The following PUS1 variants were observed in gnomAD, a reference collection of about 807,000 sequenced individuals.
PUS1 encodes the protein pseudouridylate synthase 1 homolog.
A neutral mutation model predicts 38.5 loss-of-function variants in PUS1; 25 were observed. That is an observed-to-expected ratio of 0.65 (90% CI 0.47 to 0.91). The LOEUF is 0.91. Ranked by LOEUF, PUS1 falls within the 40% of genes least tolerant of loss-of-function variation. The pLI, the probability that PUS1 is intolerant of heterozygous loss-of-function variation, is 0.00. For missense variants in PUS1, 597 were observed against 612.3 expected (o/e 0.97, Z 0.26); for synonymous variants, 282 against 260.4 (o/e 1.08, Z -0.80).
chr12:131,943,676 T>C lies in PUS1; in HGVS notation c.*90T>C, dbSNP rs1159947712. The stretch of plus-strand genomic sequence containing the variant: ...CCCTGTGGGCAGCAAGAAGCTGGGA[T>C]CGCTGCAGCCATGTTTTCCCGGCCA... On this transcript the variant is annotated 3_prime_UTR_variant, in exon 6 of 6. Coordinates refer to ENST00000376649, the MANE Select transcript of PUS1 (RefSeq NM_025215.6). 2 of 1,083,404 alleles carry C rather than the reference T, an allele frequency of 1.8e-6. No individual in the cohort carries two copies. The highest frequency in any genetic ancestry group is 3.1e-5 in the African/African-American group (2 of 64,680). The allele number at this position is 1,083,404 out of a possible 1,614,324, so 67.1% of individuals were successfully genotyped here. A position where few individuals can be genotyped will look rare whatever the true frequency, so the allele number is the denominator to read the frequency against.
At chr12:131,932,855 C>T (rs1436497131) in intron 3 of PUS1, 1 of 452,574 alleles carries the variant, frequency 2.2e-6, no homozygotes, top group Admixed American at 2.4e-5. Flanking sequence ...AGTCTGTTGT[C>T]ACACTGTTAT....
At chr12:131,933,097 TC>T (rs1890679991) in intron 3 of PUS1, among the ~76,000 whole-genome samples, 1 of 151,902 alleles carries the variant, frequency 6.6e-6, no homozygotes, top group Non-Finnish European at 1.5e-5. Context: ...CACCAGGTCT[TC>T]CCTAGACACT....
intron 3 of PUS1, among the ~76,000 whole-genome samples, chr12:131,933,585 G>T (rs750646113): frequency 6.6e-6 from 1 of 152,208 alleles, no homozygotes; most frequent in Non-Finnish European, 1.5e-5. Context: ...TGGTTTTCAC[G>T]TCCACCCTGG....
intron 3 of PUS1, among the ~76,000 whole-genome samples, chr12:131,936,558 C>T (rs925531630): frequency 4.8e-5 from 7 of 144,640 alleles, no homozygotes; most frequent in African/African-American, 1.7e-4. Context: ...AGTGAAACTC[C>T]GTCTCAAAAA....
At chr12:131,939,058 A>G (rs1478389424) in intron 3 of PUS1, 115 bp from the exon 4 acceptor site, 2 of 761,536 alleles carry the variant, frequency 2.6e-6, no homozygotes, top group Non-Finnish European at 4.6e-6. Context: ...TGCATTTTTA[A>G]CAGCTGAATT....
chr12:131,939,337 G>T, intron 4 of PUS1, 62 bp downstream of exon 4: 2 of 1,027,992 alleles, frequency 1.9e-6, no homozygotes, highest in East Asian at 2.6e-5. Flanking sequence ...GAGACACGAG[G>T]CTATGCATGC....
At chr12:131,942,015 A>T in intron 5 of PUS1, 32 bp downstream of exon 5, 1 of 1,566,116 alleles carries the variant, frequency 6.4e-7, no homozygotes, top group Non-Finnish European at 8.7e-7. Flanking sequence ...TGCTCAGCAG[A>T]ACACAGGCCC....
chr12:131,942,807 A>C (rs1242305184), intron 5 of PUS1, among the ~76,000 whole-genome samples: 1 of 152,194 alleles, frequency 6.6e-6, no homozygotes, highest in East Asian at 1.9e-4. Context: ...CTGTGAAAAG[A>C]GAGTCCTTCC....
At position 131,929,389 on chromosome 12, in the gene PUS1, G is replaced by T. The variant is rs1002478802; in HGVS notation, c.-334G>T. 18 of 322,040 alleles carry T rather than the reference G, an allele frequency of 5.6e-5. No homozygotes were observed. The highest frequency in any genetic ancestry group is 8.0e-5 in the Non-Finnish European group (14 of 176,084). 19.9% of individuals were successfully genotyped at this position (322,040 alleles called of 1,614,324 possible). A position where few individuals can be genotyped will look rare whatever the true frequency, so the allele number is the denominator to read the frequency against. On this transcript the variant is annotated 5_prime_UTR_variant, in exon 1 of 6. Transcript: ENST00000376649. ...ACCGGGCGGGGCGGGAGGTGAAGAG[G>T]CTGGGGAAGTCAGAGGTTAACCTGG...
At position 131,941,221 on chromosome 12, in the gene PUS1, G is replaced by A; in HGVS notation, c.545-71G>A. 1 of 1,366,970 alleles carries A rather than the reference G, an allele frequency of 7.3e-7. No individual in the cohort carries two copies. Among genetic ancestry groups the A allele is most frequent in the South Asian group, 1.2e-5 (1 of 84,154 alleles). The allele number at this position is 1,366,970 out of a possible 1,614,324, so 84.7% of individuals were successfully genotyped here. A position where few individuals can be genotyped will look rare whatever the true frequency, so the allele number is the denominator to read the frequency against. On this transcript the variant is annotated intron_variant, in intron 4 of 5. Coordinates refer to ENST00000376649, the MANE Select transcript of PUS1 (RefSeq NM_025215.6). The surrounding 1 kb of genome is among the most constrained non-coding windows in gnomAD (Gnocchi z 4.4). ...AAGGAGACGCTGGGGCTCACGCCGT[G>A]CTCAGGCTGCTCCCTGGTCATCCAG...
At chr12:131,934,072 T>C (rs1890722348) in intron 3 of PUS1, among the ~76,000 whole-genome samples, 2 of 152,236 alleles carry the variant, frequency 1.3e-5, no homozygotes, top group Admixed American at 6.5e-5. Flanking sequence ...ATTTCTTCTA[T>C]GCACTTATCA....
intron 1 of PUS1, 32 bp from the exon 2 acceptor site, chr12:131,929,875 C>T: frequency 6.9e-7 from 1 of 1,445,606 alleles, no homozygotes; most frequent in Non-Finnish European, 9.1e-7. Context: ...CGGTGCCGAG[C>T]GGGCCCCCGC....
At chr12:131,943,385 G>C (rs1399512078) in intron 5 of PUS1, among the ~76,000 whole-genome samples, 154 bp from the exon 6 acceptor site, 1 of 152,270 alleles carries the variant, frequency 6.6e-6, no homozygotes, top group East Asian at 1.9e-4. Context: ...ACCTGGTTAA[G>C]AGAATGACCG....
intron 2 of PUS1, among the ~76,000 whole-genome samples, chr12:131,930,368 G>C (rs541429516): frequency 6.6e-6 from 1 of 152,236 alleles, no homozygotes; most frequent in African/African-American, 2.4e-5. Flanking sequence ...CTGGGGCGGG[G>C]TTCACTTGCT....
Position 131,929,683 on chromosome 12 carries a change from C to A in PUS1, c.-40C>A, listed in dbSNP as rs1176913801. The A allele has an allele frequency of 3.3e-6, 4 of 1,211,610 alleles. No individual in the cohort carries two copies. The highest frequency in any genetic ancestry group is 4.3e-6 in the Non-Finnish European group (4 of 931,542). 75.1% of individuals were successfully genotyped at this position (1,211,610 alleles called of 1,614,324 possible). ...AGCTGGGGCACTGGGGGTCAGGGGT[C>A]GGGGATCAGGGCGGGGTCGGGTGCA... On this transcript the variant is annotated 5_prime_UTR_variant, in exon 1 of 6. Transcript: ENST00000376649.
chr12:131,941,665 G>T lies in PUS1; in HGVS notation c.918G>T (p.Lys306Asn), dbSNP rs373663411. ...KMVGLVVAIV[K>N]GYAPESVLER... ...TCGGCCTGGTGGTGGCCATTGTGAA[G>T]GGTTATGCCCCTGAGAGCGTGCTGG... is the stretch of plus-strand genomic sequence containing the variant. The change falls in exon 5 of 6, where the codon AAG becomes AAT. Residue 306 changes from lysine (K) to asparagine (N), a missense_variant. Lys to Asn is a moderately conservative substitution (Grantham distance 94). Transcript: ENST00000376649. The surrounding 1 kb of genome is among the most constrained non-coding windows in gnomAD (Gnocchi z 4.4). 1.9e-6 allele frequency: 3 copies of T among 1,614,224 alleles called. No individual in the cohort carries two copies. Among genetic ancestry groups the T allele is most frequent in the Non-Finnish European group, 2.5e-6 (3 of 1,180,048 alleles).
rs1593288984 is a variant in PUS1 at position 131,932,452 on chromosome 12, G to T, written c.441+140G>T. The T allele has an allele frequency of 3.9e-6, 4 of 1,013,276 alleles. No individual in the cohort carries two copies. The East Asian group carries it at 1.0e-4, about 26-fold the overall frequency. The allele number at this position is 1,013,276 out of a possible 1,614,324, so 62.8% of individuals were successfully genotyped here. On this transcript the variant is annotated intron_variant, in intron 3 of 5. Transcript: ENST00000376649. ...TCAAACTAGCCTACGCCTTATGTAG[G>T]TGAGACGTCCAGGAGCCTGGTCGGC...
chr12:131,938,152 C>T lies in PUS1; in HGVS notation c.442-1021C>T, dbSNP rs576052142. Among the ~76,000 whole-genome samples, 11 of 152,178 alleles carry T rather than the reference C, an allele frequency of 7.2e-5. No homozygotes were observed. In the East Asian group the frequency reaches 1.7e-3, roughly 24 times the overall value. On this transcript the variant is annotated intron_variant, in intron 3 of 5. Transcript: ENST00000376649. Reference sequence around the variant, plus strand: ...CTCTTGAGCTTCCTTTAATCGAAAACGATCTCCTTGGCCGGGCATCGTTGC... The same window carrying T: ...CTCTTGAGCTTCCTTTAATCGAAAATGATCTCCTTGGCCGGGCATCGTTGC...
chr12:131,945,081 A>G lies in PUS1; in HGVS notation c.*1495A>G, dbSNP rs1891242379. On this transcript the variant is annotated 3_prime_UTR_variant, in exon 6 of 6. Transcript: ENST00000376649. ...GCCTGATGCCCCAGCGGTGCACACA[A>G]CTAATGCGCATGCGCCTGACGTGCC... 6.6e-6 allele frequency: 1 copy of G among 152,306 alleles called. No individual in the cohort carries two copies. Among genetic ancestry groups the G allele is most frequent in the Non-Finnish European group, 1.5e-5 (1 of 68,068 alleles). 9.4% of individuals were successfully genotyped at this position (152,306 alleles called of 1,614,324 possible). A position where few individuals can be genotyped will look rare whatever the true frequency, so the allele number is the denominator to read the frequency against.
Sources: allele counts gnomAD v4.1 joint callset (sites outside exome capture counted in the v4.1 genomes callset), GRCh38; gene constraint gnomAD v4.1.1; non-coding constraint Gnocchi (gnomAD v3.1); transcripts MANE v1.5; gene names NCBI Gene and HGNC (gene_info 2026-07-23, HGNC 2026-07-21).